The following NLRC5 variants were observed in gnomAD, a reference collection of about 807,000 sequenced individuals.
The protein encoded by NLRC5 is NLR family CARD domain containing 5, also known as protein NLRC5.
Under a neutral mutation model 206.9 loss-of-function variants are expected in NLRC5, and 114 were observed. That is an observed-to-expected ratio of 0.55 (90% CI 0.47 to 0.64). The LOEUF (loss-of-function observed/expected upper bound fraction) is 0.64, where lower values mean the gene tolerates loss of function less well. NLRC5 is among the 30% of genes least tolerant of loss of function. The probability of loss-of-function intolerance (pLI) is 0.00; values close to 1 mark genes in which losing one functional copy is unlikely to be tolerated. For synonymous variants in NLRC5, 952 were observed against 962.8 expected (o/e 0.99, Z 0.21); for missense variants, 2,008 against 2,305.5 (o/e 0.87, Z 2.64).
intron 19 of NLRC5, among the ~76,000 whole-genome samples, chr16:57,043,003 C>G (rs1473220308): frequency 2.0e-5 from 3 of 152,010 alleles, no homozygotes. Context: ...AGTGTGGACT[C>G]GTGACCTGGT....
At position 57,026,289 on chromosome 16, in the gene NLRC5, C is replaced by T. The variant is rs752699384; in HGVS notation, c.1346C>T (p.Pro449Leu). 3.7e-6 allele frequency: 6 copies of T among 1,614,098 alleles called. No homozygotes were observed. The highest frequency in any genetic ancestry group is 4.2e-6 in the Non-Finnish European group (5 of 1,180,046). ...CAGATGGTGCTCGCCCTCAGCCCCCCTGGGCACTTGCCCACCTCGTCCCTA... is the reference window on the plus strand; with the variant it reads ...CAGATGGTGCTCGCCCTCAGCCCCCTTGGGCACTTGCCCACCTCGTCCCTA... The part of the protein sequence containing the change: ...YMQMVLALSP[P>L]GHLPTSSLLD... The change falls in exon 6 of 49, where the codon CCT becomes CTT. Residue 449 changes from proline (P) to leucine (L), a missense_variant. Coordinates refer to ENST00000688547, the MANE Select transcript of NLRC5 (RefSeq NM_001384950.1).
chr16:57,080,347 C>T (rs2068970014), intron 46 of NLRC5, among the ~76,000 whole-genome samples: 1 of 152,102 alleles, frequency 6.6e-6, no homozygotes, highest in African/African-American at 2.4e-5. Context: ...AACCCAACAT[C>T]TTAGGAAGGG....
chr16:57,035,617 A>C (rs548844419), intron 13 of NLRC5, among the ~76,000 whole-genome samples: 2 of 152,270 alleles, frequency 1.3e-5, no homozygotes, highest in African/African-American at 4.8e-5. Flanking sequence ...CTGAACTCCC[A>C]GTTATTTCAG....
At position 57,039,757 on chromosome 16, in the gene NLRC5, C is replaced by A. The variant is rs1405100138; in HGVS notation, c.2802-24C>A. 3.1e-6 allele frequency: 5 copies of A among 1,609,436 alleles called. No homozygotes were observed. The African/African-American group carries it at 6.7e-5, about 22-fold the overall frequency. ...CAGGGAGCCAATAACCTCTCGCTTC[C>A]TCACCCCTCTTTTGTCTTCACAGCC... On this transcript the variant is annotated intron_variant, in intron 15 of 48. Coordinates refer to ENST00000688547, the MANE Select transcript of NLRC5 (RefSeq NM_001384950.1).
At chr16:57,034,088 C>A in intron 12 of NLRC5, 80 bp from the exon 13 acceptor site, 1 of 1,205,976 alleles carries the variant, frequency 8.3e-7, no homozygotes. Flanking sequence ...CCCCCTGACT[C>A]CCCCAGCATT....
chr16:57,038,500 C>T (rs1207438808), intron 15 of NLRC5, among the ~76,000 whole-genome samples: 1 of 152,158 alleles, frequency 6.6e-6, no homozygotes, highest in Non-Finnish European at 1.5e-5. Context: ...TCATGTGATC[C>T]TCCTGCCCTG....
intron 30 of NLRC5, among the ~76,000 whole-genome samples, chr16:57,061,000 G>A (rs2066404569): frequency 6.6e-6 from 1 of 152,268 alleles, no homozygotes; most frequent in South Asian, 2.1e-4. Context: ...TGGTCCGGGA[G>A]AGTAAGGCAG....
At chr16:57,081,413 A>G in intron 47 of NLRC5, 114 bp from the exon 48 acceptor site, 1 of 1,024,974 alleles carries the variant, frequency 9.8e-7, no homozygotes, top group Non-Finnish European at 1.5e-6. Context: ...CTGAGAAGGT[A>G]GTGTGGGAGA....
chr16:57,010,845 T>C (rs1307131989), intron 1 of NLRC5, among the ~76,000 whole-genome samples: 3 of 152,220 alleles, frequency 2.0e-5, no homozygotes, highest in African/African-American at 4.8e-5. Flanking sequence ...TTCTCTTCCT[T>C]ACACATTGGG....
chr16:57,036,628 G>T (rs1201241308), intron 14 of NLRC5, among the ~76,000 whole-genome samples: 2 of 151,644 alleles, frequency 1.3e-5, no homozygotes, highest in Admixed American at 1.3e-4. Flanking sequence ...TGCTGGGTGT[G>T]CTGTGGTGTT....
At chr16:57,081,953 T>C (rs1461235976) in intron 48 of NLRC5, among the ~76,000 whole-genome samples, 2 of 152,222 alleles carry the variant, frequency 1.3e-5, no homozygotes, top group South Asian at 2.1e-4. Context: ...GCACTTAAAA[T>C]GGCAGCTATA....
In NLRC5 at chr16:57,061,682, G is replaced by A. The variant is rs375881420; in HGVS notation, c.4135G>A (p.Ala1379Thr). ...AILLSLVGRP[A>T]GLFSLRVQEP... is the part of the protein sequence containing the mutation. Reference sequence around the variant, plus strand: ...CCTCCTGAGCTTGGTGGGGCGACCCGCAGGGCTGTTCAGCCTCAGGTACCT... The same window carrying A: ...CCTCCTGAGCTTGGTGGGGCGACCCACAGGGCTGTTCAGCCTCAGGTACCT... The change falls in exon 32 of 49, where the codon GCA becomes ACA. Residue 1379 changes from alanine (A) to threonine (T), a missense_variant. Transcript: ENST00000688547. 11 of 1,607,382 alleles carry A rather than the reference G, an allele frequency of 6.8e-6. No individual in the cohort carries two copies. Among genetic ancestry groups the A allele is most frequent in the African/African-American group, 4.0e-5 (3 of 75,014 alleles).
Position 57,055,114 on chromosome 16 carries a change from G to T in NLRC5, c.3659+20G>T. ...CTGTGGGTAAGCCCCCTTGAACCATGCCTAGGCAGCTAGTTGATGTTGGGG... is the reference window on the plus strand; with the variant it reads ...CTGTGGGTAAGCCCCCTTGAACCATTCCTAGGCAGCTAGTTGATGTTGGGG... On this transcript the variant is annotated intron_variant, in intron 26 of 48. Coordinates refer to ENST00000688547, the MANE Select transcript of NLRC5 (RefSeq NM_001384950.1). 1 of 1,613,850 alleles carries T rather than the reference G, an allele frequency of 6.2e-7. No individual in the cohort carries two copies.
At chr16:57,059,220 G>T in intron 29 of NLRC5, 159 bp downstream of exon 29, 1 of 1,507,224 alleles carries the variant, frequency 6.6e-7, no homozygotes, top group Non-Finnish European at 8.8e-7. Context: ...TCCTGGGCAT[G>T]GGATCATAAT....
chr16:57,050,105 T>C (rs2064661923), intron 23 of NLRC5, among the ~76,000 whole-genome samples: 1 of 92,406 alleles, frequency 1.1e-5, no homozygotes, highest in African/African-American at 5.6e-5. Context: ...TTCCATTGCT[T>C]TAAAAAAAAA....
intron 5 of NLRC5, 102 bp downstream of exon 5, chr16:57,023,955 G>A (rs1440182356): frequency 4.8e-6 from 5 of 1,038,042 alleles, no homozygotes; most frequent in South Asian, 1.4e-5. Context: ...GCCTCCAGAG[G>A]CCCAGTGACT....
At chr16:57,079,650 T>C (rs2068879447) in intron 46 of NLRC5, 21 bp downstream of exon 46, 1 of 1,610,064 alleles carries the variant, frequency 6.2e-7, no homozygotes, top group Non-Finnish European at 8.5e-7. Context: ...GGAAGAGCCC[T>C]GAGCTGGCTG....
chr16:57,051,663 G>A (rs542646208), intron 24 of NLRC5, 42 bp downstream of exon 24: 51 of 1,509,350 alleles, frequency 3.4e-5, no homozygotes, highest in Non-Finnish European at 4.0e-5. Flanking sequence ...CCTTGTGCTC[G>A]TGTTTCTAAG....
intron 39 of NLRC5, among the ~76,000 whole-genome samples, chr16:57,076,230 T>C (rs1301881366): frequency 6.6e-6 from 1 of 152,140 alleles, no homozygotes; most frequent in Admixed American, 6.5e-5. Context: ...AAAATTTAAT[T>C]TGCAAAATAA....
Sources: gnomAD v4.1 joint callset for allele counts (sites outside exome capture counted in the v4.1 genomes callset) on GRCh38, gnomAD v4.1.1 for gene constraint, MANE v1.5 for transcripts, NCBI Gene and HGNC (gene_info 2026-07-23, HGNC 2026-07-21) for gene names.